Variants in MEGF6 observed in about 807,000 individuals in gnomAD.
The protein encoded by MEGF6 is multiple EGF like domains 6, also known as multiple epidermal growth factor-like domains protein 6.
Under a neutral mutation model 207.1 loss-of-function variants are expected in MEGF6, and 184 were observed. The observed-to-expected ratio is 0.89, with a 90% CI of 0.79 to 1.00. MEGF6 has a LOEUF of 1.00. MEGF6 is among the 50% of genes least tolerant of loss of function. The pLI, the probability that MEGF6 is intolerant of heterozygous loss-of-function variation, is 0.00. For missense variants in MEGF6, 2,282 were observed against 2,202.9 expected (o/e 1.04, Z -0.72); for synonymous variants, 1,038 against 910.0 (o/e 1.14, Z -2.53).
chr1:3,524,049 C>T (rs1248261522), intron 5 of MEGF6, 75 bp downstream of exon 5: 2 of 1,521,226 alleles, frequency 1.3e-6, no homozygotes, highest in Non-Finnish European at 1.8e-6. Flanking sequence ...CCTCTCAGGC[C>T]AGGCCTGGGC....
intron 25 of MEGF6, 31 bp downstream of exon 25, chr1:3,498,667 G>A (rs1207059044): frequency 1.3e-6 from 2 of 1,534,630 alleles, no homozygotes; most frequent in Admixed American, 1.9e-5. Context: ...GCATGCTGGG[G>A]TATGTCCCTC....
chr1:3,590,412 G>A (rs1324734996), intron 3 of MEGF6, among the ~76,000 whole-genome samples: 1 of 152,192 alleles, frequency 6.6e-6, no homozygotes, highest in Non-Finnish European at 1.5e-5. Context: ...CCAGCAAGAG[G>A]AGTGGGTCCG....
chr1:3,544,698 C>G (rs1642647078), intron 4 of MEGF6, among the ~76,000 whole-genome samples: 1 of 152,230 alleles, frequency 6.6e-6, no homozygotes, highest in South Asian at 2.1e-4. Context: ...CAGCCACAGG[C>G]ACTGAGACCA....
intron 4 of MEGF6, among the ~76,000 whole-genome samples, chr1:3,549,702 G>A (rs900117834): frequency 6.6e-6 from 1 of 152,212 alleles, no homozygotes; most frequent in Non-Finnish European, 1.5e-5. Flanking sequence ...TCCAGCTCGG[G>A]CTATGGGCGT....
intron 23 of MEGF6, 49 bp downstream of exon 23, chr1:3,499,539 C>T: frequency 6.5e-7 from 1 of 1,546,466 alleles, no homozygotes; most frequent in Non-Finnish European, 8.7e-7. Flanking sequence ...TACGGAGGAC[C>T]TGGCACCCCC....
Position 3,584,834 on chromosome 1 carries a change from G to A in MEGF6, c.377-4905C>T, listed in dbSNP as rs367845312. ...GGAGGCATGGGCGGGTGGTAAGGCC[G>A]CTGCCCTCAGCACCTGCACACCCCC... On this transcript the variant is annotated intron_variant, in intron 3 of 36. Transcript: ENST00000356575. 1.4e-4 allele frequency among the ~76,000 whole-genome samples: 22 copies of A among 152,380 alleles called. No individual in the cohort carries two copies. In the East Asian group the frequency reaches 3.9e-3, roughly 27 times the overall value.
At chr1:3,533,487 G>T (rs1453226120) in intron 4 of MEGF6, among the ~76,000 whole-genome samples, 1 of 152,264 alleles carries the variant, frequency 6.6e-6, no homozygotes, top group Non-Finnish European at 1.5e-5. Context: ...TCACCAGTTA[G>T]TGCCAACAGA....
At chr1:3,506,326 G>A (rs1641118049) in intron 14 of MEGF6, 90 bp from the exon 15 acceptor site, 4 of 1,473,650 alleles carry the variant, frequency 2.7e-6, no homozygotes, top group Non-Finnish European at 3.6e-6. Flanking sequence ...GGGGGCCCAG[G>A]GCCCAGCACA....
At position 3,499,722 on chromosome 1, in the gene MEGF6, G is replaced by T. The variant is rs1227756722; in HGVS notation, c.2837-6C>A. On this transcript the variant is annotated splice_polypyrimidine_tract_variant and splice_region_variant and intron_variant, in intron 22 of 36. Transcript: ENST00000356575. The stretch of plus-strand genomic sequence containing the variant: ...AAAGAAGCCGGCCGGGCAGGCTGCA[G>T]ACAGCGGGCAGTGATGTGGAGGGGC... The T allele has an allele frequency of 1.9e-6, 3 of 1,603,708 alleles. No individual in the cohort carries two copies. The highest frequency in any genetic ancestry group is 1.7e-4 in the Middle Eastern group (1 of 6,042).
intron 20 of MEGF6, 35 bp from the exon 21 acceptor site, chr1:3,500,799 C>G (rs1047596090): frequency 6.3e-6 from 10 of 1,598,600 alleles, no homozygotes; most frequent in Non-Finnish European, 8.5e-6. Flanking sequence ...GGCGCAGGCC[C>G]AAGCGCGGGC....
chr1:3,620,192 C>T, the MEGF6 span, among the ~76,000 whole-genome samples: 10 of 152,282 alleles, frequency 6.6e-5, no homozygotes, highest in South Asian at 4.1e-4. Context: ...CAGTCATGTG[C>T]GTTCACAAGG....
At chr1:3,566,544 A>G (rs1458045720) in intron 4 of MEGF6, among the ~76,000 whole-genome samples, 3 of 152,174 alleles carry the variant, frequency 2.0e-5, no homozygotes, top group African/African-American at 7.2e-5. Context: ...GGAACCCCGC[A>G]GGGCCAGCAA....
At chr1:3,547,026 C>T in intron 4 of MEGF6, 1 of 160,224 alleles carries the variant, frequency 6.2e-6, no homozygotes, top group Non-Finnish European at 1.4e-5. Context: ...CACCCTGCAG[C>T]TGGTGGCTGG....
In MEGF6 at chr1:3,516,779, C is replaced by A. The variant is rs1005933662; in HGVS notation, c.605-1252G>T. On this transcript the variant is annotated intron_variant, in intron 5 of 36. Coordinates refer to ENST00000356575, the MANE Select transcript of MEGF6 (RefSeq NM_001409.4). ...TTAAAAACCCACCGTGCTCGCCGTA[C>A]CTGTCCCACAGGGGAGCAGGCGCTG... 1.3e-5 allele frequency among the ~76,000 whole-genome samples: 2 copies of A among 152,318 alleles called. 1 individual carries two copies. The highest frequency in any genetic ancestry group is 1.3e-4 in the Admixed American group (2 of 15,304).
At chr1:3,554,324 G>C (rs72853571) in intron 4 of MEGF6, among the ~76,000 whole-genome samples, 6,794 of 152,052 alleles carry the variant, frequency 0.045, 195 homozygotes, top group African/African-American at 0.069. Context: ...GGGATGGCAG[G>C]AACACTGGAA....
At chr1:3,519,903 T>C (rs1641680606) in intron 5 of MEGF6, among the ~76,000 whole-genome samples, 1 of 151,974 alleles carries the variant, frequency 6.6e-6, no homozygotes, top group Admixed American at 6.5e-5. Context: ...CAGAGCCAGG[T>C]GGGGAGGCAG....
chr1:3,586,355 G>A (rs1318615544), intron 3 of MEGF6, among the ~76,000 whole-genome samples: 4 of 152,230 alleles, frequency 2.6e-5, no homozygotes, highest in African/African-American at 4.8e-5. Flanking sequence ...GGGCATGATC[G>A]TGAATAGGTG....
In MEGF6 at chr1:3,602,504, GC is replaced by G. The variant is rs1369682057; in HGVS notation, c.227del (p.Gly76AlafsTer102). Reference protein sequence around the residue: ...LSHTVPVWKAGCGWQAWCVGH... With the variant: ...LSHTVPVWKAXCGWQAWCVGH... ...CCACGCACCACGCCTGCCACCCACA[GC>G]CGGCCTTCCACACCGGCACCGTGTG... On this transcript the variant is annotated frameshift_variant, in exon 2 of 37. Transcript: ENST00000356575. LOFTEE classifies it high-confidence loss of function. 3 of 1,613,246 alleles carry G rather than the reference GC, an allele frequency of 1.9e-6. No homozygotes were observed. Among genetic ancestry groups the G allele is most frequent in the Non-Finnish European group, 2.5e-6 (3 of 1,179,906 alleles).
chr1:3,586,072 CTGTG>C lies in MEGF6; in HGVS notation c.377-6147_377-6144del, dbSNP rs1184305840. On this transcript the variant is annotated intron_variant, in intron 3 of 36. Coordinates refer to ENST00000356575, the MANE Select transcript of MEGF6 (RefSeq NM_001409.4). The stretch of plus-strand genomic sequence containing the variant: ...GTGGGTGTGAGTGTGGACACACGTG[CTGTG>C]TGTGGGTGTGAGGACACATGTCCTG... Among the ~76,000 whole-genome samples the C allele has an allele frequency of 8.5e-5, 12 of 140,582 alleles. No homozygotes were observed. The South Asian group carries it at 1.4e-3, about 16-fold the overall frequency. The allele number at this position is 140,582 out of a possible 152,430, so 92.2% of individuals were successfully genotyped here.
Sources: gnomAD v4.1 joint callset for allele counts (sites outside exome capture counted in the v4.1 genomes callset) on GRCh38, gnomAD v4.1.1 for gene constraint, MANE v1.5 for transcripts, NCBI Gene and HGNC (gene_info 2026-07-23, HGNC 2026-07-21) for gene names.